The following CTTNBP2 variants were observed in gnomAD, a reference collection of about 807,000 sequenced individuals.
The protein encoded by CTTNBP2 is cortactin-binding protein 2.
CTTNBP2 carries 108 observed loss-of-function variants against 156.9 expected under a neutral mutation model. The ratio of observed to expected loss-of-function variants is 0.69; its 90% confidence interval spans 0.59 to 0.81. CTTNBP2 has a LOEUF of 0.81. Ranked by LOEUF, CTTNBP2 falls within the 30% of genes least tolerant of loss-of-function variation. The probability of loss-of-function intolerance (pLI) is 0.00; values close to 1 mark genes in which losing one functional copy is unlikely to be tolerated. For synonymous variants in CTTNBP2, 767 were observed against 751.8 expected (o/e 1.02, Z -0.33); for missense variants, 1,924 against 2,035.4 (o/e 0.95, Z 1.05).
chr7:117,806,813 C>A (rs2402264), intron 3 of CTTNBP2, among the ~76,000 whole-genome samples: 85,400 of 146,348 alleles, frequency 0.58, 25,930 homozygotes, highest in East Asian at 0.97. Context: ...GGCTGGAGTG[C>A]AATTGTGCGA....
At chr7:117,729,307 G>C (rs1248982007) in intron 16 of CTTNBP2, among the ~76,000 whole-genome samples, 1 of 152,180 alleles carries the variant, frequency 6.6e-6, no homozygotes, top group Non-Finnish European at 1.5e-5. Context: ...TTCTCCTTTT[G>C]CAAGTTGGCT....
At chr7:117,861,670 A>C (rs1026724210) in intron 1 of CTTNBP2, among the ~76,000 whole-genome samples, 9 of 152,222 alleles carry the variant, frequency 5.9e-5, no homozygotes, top group South Asian at 2.1e-4. Flanking sequence ...AGAAGCAAAG[A>C]AAGCATGGAT....
chr7:117,855,188 C>T (rs1803215066), intron 2 of CTTNBP2, among the ~76,000 whole-genome samples: 1 of 152,142 alleles, frequency 6.6e-6, no homozygotes, highest in Non-Finnish European at 1.5e-5. Flanking sequence ...GGATGGGGGT[C>T]AACAAGCTAT....
chr7:117,761,649 T>C (rs950017575), intron 9 of CTTNBP2, among the ~76,000 whole-genome samples: 11 of 152,178 alleles, frequency 7.2e-5, no homozygotes, highest in African/African-American at 2.7e-4. Context: ...CTATATGAAA[T>C]TAGAAATGGT....
At chr7:117,852,612 T>C (rs935445747) in intron 2 of CTTNBP2, among the ~76,000 whole-genome samples, 2 of 152,232 alleles carry the variant, frequency 1.3e-5, no homozygotes, top group African/African-American at 2.4e-5. Flanking sequence ...GATGTTCCTC[T>C]ACCTTATTAT....
intron 2 of CTTNBP2, among the ~76,000 whole-genome samples, chr7:117,818,659 C>A (rs1268723151): frequency 6.6e-6 from 1 of 152,046 alleles, no homozygotes; most frequent in Non-Finnish European, 1.5e-5. Flanking sequence ...TCACTTTTGG[C>A]TGAAGTATTC....
At chr7:117,856,522 CTA>C (rs1264938363) in intron 2 of CTTNBP2, among the ~76,000 whole-genome samples, 2 of 152,112 alleles carry the variant, frequency 1.3e-5, no homozygotes, top group Non-Finnish European at 2.9e-5. Context: ...TGATAGTTTC[CTA>C]TGTTATTGGG....
chr7:117,849,070 C>A (rs1042768349), intron 2 of CTTNBP2, among the ~76,000 whole-genome samples: 3 of 152,170 alleles, frequency 2.0e-5, no homozygotes, highest in South Asian at 2.1e-4. Context: ...AAAAAGCTGT[C>A]CTGAGAAGAG....
chr7:117,754,975 A>G (rs1336981475), intron 12 of CTTNBP2, among the ~76,000 whole-genome samples: 3 of 152,190 alleles, frequency 2.0e-5, no homozygotes, highest in African/African-American at 7.2e-5. Flanking sequence ...TTGTACGGAG[A>G]AGCTGACAAG....
chr7:117,714,556 A>G (rs570202481), intron 22 of CTTNBP2, among the ~76,000 whole-genome samples: 1 of 152,332 alleles, frequency 6.6e-6, no homozygotes, highest in African/African-American at 2.4e-5. Flanking sequence ...AAGGAGACAT[A>G]CACTGTTCTA....
At chr7:117,786,375 T>C (rs1267726558) in intron 4 of CTTNBP2, 6 of 444,806 alleles carry the variant, frequency 1.3e-5, no homozygotes, top group Non-Finnish European at 2.8e-5. Flanking sequence ...GTATTTTTAC[T>C]TCATACTTAC....
chr7:117,835,618 G>C (rs751184586), intron 2 of CTTNBP2, among the ~76,000 whole-genome samples: 9 of 152,188 alleles, frequency 5.9e-5, no homozygotes, highest in Non-Finnish European at 1.2e-4. Context: ...ACCTATACTG[G>C]TTCAGGGGCT....
chr7:117,843,258 G>A (rs575963281), intron 2 of CTTNBP2, among the ~76,000 whole-genome samples: 1 of 152,306 alleles, frequency 6.6e-6, no homozygotes, highest in South Asian at 2.1e-4. Context: ...GTGGATTTCA[G>A]TGTTCTAGGG....
chr7:117,748,460 C>CT, intron 12 of CTTNBP2, among the ~76,000 whole-genome samples: 1 of 152,148 alleles, frequency 6.6e-6, no homozygotes, highest in Non-Finnish European at 1.5e-5. Flanking sequence ...CTTAAGTTCT[C>CT]TTTTTTCTGC....
At chr7:117,838,804 T>A (rs549191056) in intron 2 of CTTNBP2, among the ~76,000 whole-genome samples, 30 of 152,230 alleles carry the variant, frequency 2.0e-4, no homozygotes, top group African/African-American at 7.2e-4. Flanking sequence ...ATTTCAGGAT[T>A]TACTGTAGTT....
chr7:117,711,505 G>A lies in CTTNBP2; in HGVS notation c.*32C>T, dbSNP rs372131042. On this transcript the variant is annotated 3_prime_UTR_variant, in exon 23 of 23. Coordinates refer to ENST00000160373, the MANE Select transcript of CTTNBP2 (RefSeq NM_033427.3). ...GTCCTTGGTTTCTGTGTGAAATAGAGGAAGTTAATAATGAGAATATTGTAG... is the reference window on the plus strand; with the variant it reads ...GTCCTTGGTTTCTGTGTGAAATAGAAGAAGTTAATAATGAGAATATTGTAG... 2.5e-6 allele frequency: 4 copies of A among 1,585,284 alleles called. No individual in the cohort carries two copies. In the African/African-American group the frequency reaches 5.5e-5, roughly 22 times the overall value.
At chr7:117,837,343 T>C (rs1802018366) in intron 2 of CTTNBP2, among the ~76,000 whole-genome samples, 1 of 152,160 alleles carries the variant, frequency 6.6e-6, no homozygotes, top group African/African-American at 2.4e-5. Context: ...ACTACTTTTC[T>C]CACTACCACT....
chr7:117,784,334 A>G lies in CTTNBP2; in HGVS notation c.2189T>C (p.Leu730Pro), dbSNP rs1443222767. ...QGNVTLLSML[L>P]NEEGLDINYS... ...ATTAATGTCCAGTCCTTCTTCATTA[A>G]GCAGCATTGATAATAAAGTGACATT... The change falls in exon 5 of 23, where the codon CTT becomes CCT. Residue 730 changes from leucine to proline, a missense_variant. By Grantham distance (98) the Leu-to-Pro change is moderately conservative (BLOSUM62 -3). Transcript: ENST00000160373. 1 of 1,614,000 alleles carries G rather than the reference A, an allele frequency of 6.2e-7. No homozygotes were observed. Among genetic ancestry groups the G allele is most frequent in the South Asian group, 1.1e-5 (1 of 91,058 alleles).
At chr7:117,808,024 C>G (rs990216899) in intron 3 of CTTNBP2, among the ~76,000 whole-genome samples, 1 of 152,170 alleles carries the variant, frequency 6.6e-6, no homozygotes, top group Non-Finnish European at 1.5e-5. Flanking sequence ...ATTGCGCTGC[C>G]ACATAGAAGG....
Sources: allele counts gnomAD v4.1 joint callset (sites outside exome capture counted in the v4.1 genomes callset), GRCh38; gene constraint gnomAD v4.1.1; transcripts MANE v1.5; gene names NCBI Gene and HGNC (gene_info 2026-07-23, HGNC 2026-07-21).